The following XRCC4 variants were observed in gnomAD, a reference collection of about 807,000 sequenced individuals.
The protein encoded by XRCC4 is X-ray repair cross complementing 4.
XRCC4 carries 28 observed loss-of-function variants against 39.1 expected under a neutral mutation model. That is an observed-to-expected ratio of 0.72 (90% CI 0.53 to 0.98). The LOEUF (loss-of-function observed/expected upper bound fraction) is 0.98, where lower values mean the gene tolerates loss of function less well. Among genes scored for constraint, XRCC4 ranks in the 50% least tolerant of loss-of-function variants. The pLI, the probability that XRCC4 is intolerant of heterozygous loss-of-function variation, is 0.00. For synonymous variants in XRCC4, 123 were observed against 126.4 expected (o/e 0.97, Z 0.18); for missense variants, 350 against 376.4 (o/e 0.93, Z 0.58).
In XRCC4 at chr5:83,203,616, G is replaced by A. The variant is rs2112728512; in HGVS notation, c.547G>A (p.Val183Met). 6.2e-7 allele frequency: 1 copy of A among 1,612,070 alleles called. No homozygotes were observed. The highest frequency in any genetic ancestry group is 8.5e-7 in the Non-Finnish European group (1 of 1,179,228). The change falls in exon 5 of 8, where the codon GTG becomes ATG. Residue 183 changes from valine (V) to methionine (M), a missense_variant. By Grantham distance (21) the Val-to-Met change is conservative. Transcript: ENST00000396027. ...TGATCTTTATAAGCGGTTTATTCTGGTGTTGAATGAGAAGAAAACAAAAAT... is the reference window on the plus strand; with the variant it reads ...TGATCTTTATAAGCGGTTTATTCTGATGTTGAATGAGAAGAAAACAAAAAT... Reference protein sequence around the residue: ...ETDLYKRFILVLNEKKTKIRS... With the variant: ...ETDLYKRFILMLNEKKTKIRS...
At chr5:83,345,623 A>G (rs1228202949) in intron 7 of XRCC4, among the ~76,000 whole-genome samples, 1 of 152,166 alleles carries the variant, frequency 6.6e-6, no homozygotes, top group Non-Finnish European at 1.5e-5. Flanking sequence ...TTTCAGAAAT[A>G]TTACTCTCAG....
intron 6 of XRCC4, among the ~76,000 whole-genome samples, chr5:83,245,946 G>C (rs1003182483): frequency 2.0e-5 from 3 of 151,194 alleles, no homozygotes; most frequent in Admixed American, 6.6e-5. Context: ...ACTCATTCTT[G>C]AAAGTAACTG....
intron 7 of XRCC4, chr5:83,310,734 G>T (rs1239207199): frequency 2.2e-6 from 1 of 454,710 alleles, no homozygotes; most frequent in Non-Finnish European, 4.4e-6. Flanking sequence ...AGATGCAGGG[G>T]TTATTCTGGA....
intron 7 of XRCC4, among the ~76,000 whole-genome samples, chr5:83,341,206 A>C (rs572485559): frequency 2.6e-3 from 403 of 152,184 alleles, no homozygotes; most frequent in Middle Eastern, 6.8e-3. Context: ...TAAAAAAAAA[A>C]AACAACAACA....
At chr5:83,286,426 A>T (rs1166285442) in intron 7 of XRCC4, among the ~76,000 whole-genome samples, 3 of 152,154 alleles carry the variant, frequency 2.0e-5, no homozygotes, top group Non-Finnish European at 4.4e-5. Flanking sequence ...GGCAATAATA[A>T]GAGCAGCTAA....
At chr5:83,348,481 A>C (rs1269000226) in intron 7 of XRCC4, among the ~76,000 whole-genome samples, 2 of 152,244 alleles carry the variant, frequency 1.3e-5, no homozygotes, top group East Asian at 3.9e-4. Context: ...CCCAAGCTGC[A>C]TGTTGGCCCC....
intron 7 of XRCC4, among the ~76,000 whole-genome samples, chr5:83,274,313 GAAATTCCAGAATAATTAC>G (rs1406335289): frequency 2.6e-5 from 4 of 152,154 alleles, no homozygotes; most frequent in African/African-American, 9.7e-5. Flanking sequence ...TTTATCATCT[GAAATTCCAGAATAATTAC>G]AAATTATCAA....
intron 6 of XRCC4, among the ~76,000 whole-genome samples, chr5:83,232,192 G>A (rs1752519655): frequency 6.6e-6 from 1 of 151,812 alleles, no homozygotes; most frequent in Admixed American, 6.6e-5. Context: ...TTTTACATTA[G>A]CCTCTTCACC....
chr5:83,306,500 A>G (rs1377808773), intron 7 of XRCC4, among the ~76,000 whole-genome samples: 1 of 22,058 alleles, frequency 4.5e-5, no homozygotes, highest in African/African-American at 5.7e-4. Flanking sequence ...TCAGAATTGT[A>G]TACTTTTCCC....
intron 7 of XRCC4, among the ~76,000 whole-genome samples, chr5:83,309,266 CAAAAAAAAAA>C (rs59326460): frequency 0.013 from 220 of 17,240 alleles, no homozygotes; most frequent in African/African-American, 0.027. Flanking sequence ...GACTCCGTCT[CAAAAAAAAAA>C]AAAAAAAAAA....
chr5:83,235,534 T>C (rs1752657339), intron 6 of XRCC4, among the ~76,000 whole-genome samples: 2 of 151,966 alleles, frequency 1.3e-5, no homozygotes, highest in Non-Finnish European at 2.9e-5. Flanking sequence ...AAAAAATATC[T>C]CAACAAACTA....
intron 3 of XRCC4, among the ~76,000 whole-genome samples, chr5:83,114,928 G>A (rs1227643912): frequency 6.6e-6 from 1 of 152,178 alleles, no homozygotes; most frequent in Non-Finnish European, 1.5e-5. Context: ...GGCTGGGGAG[G>A]CCTCATAATC....
At chr5:83,321,849 A>T (rs551195015) in intron 7 of XRCC4, among the ~76,000 whole-genome samples, 3 of 151,868 alleles carry the variant, frequency 2.0e-5, no homozygotes, top group African/African-American at 7.3e-5. Flanking sequence ...GTTCCTTATT[A>T]TCCATGATTA....
chr5:83,248,020 C>T (rs921746319), intron 6 of XRCC4, among the ~76,000 whole-genome samples: 1 of 152,072 alleles, frequency 6.6e-6, no homozygotes, highest in African/African-American at 2.4e-5. Context: ...TTTGGAATAG[C>T]GAAGCCCTCC....
intron 7 of XRCC4, among the ~76,000 whole-genome samples, chr5:83,314,013 A>T (rs1294841436): frequency 6.6e-6 from 1 of 152,080 alleles, no homozygotes; most frequent in Non-Finnish European, 1.5e-5. Flanking sequence ...CACAATCTTT[A>T]CATCTTATTC....
chr5:83,273,963 T>C (rs1754235087), intron 7 of XRCC4, among the ~76,000 whole-genome samples: 3 of 152,140 alleles, frequency 2.0e-5, no homozygotes, highest in Middle Eastern at 3.2e-3. Context: ...ACTACTTTTC[T>C]AGTTGTAGAT....
chr5:83,239,743 G>T (rs779755362), intron 6 of XRCC4, among the ~76,000 whole-genome samples: 1 of 152,008 alleles, frequency 6.6e-6, no homozygotes, highest in Non-Finnish European at 1.5e-5. Flanking sequence ...CCAGGGGAAT[G>T]GTGTGAACCC....
At chr5:83,261,861 A>G (rs1303424295) in intron 7 of XRCC4, among the ~76,000 whole-genome samples, 1 of 152,120 alleles carries the variant, frequency 6.6e-6, no homozygotes, top group Admixed American at 6.6e-5. Flanking sequence ...TGAAATATCC[A>G]TGAGAAAAGT....
chr5:83,253,211 C>T lies in XRCC4; in HGVS notation c.746-5319C>T, dbSNP rs145472526. ...GCCCTGCAGCCCTTGGTATAGCTTA[C>T]ATATATGGTAGAAGATTTGTGGGAG... On this transcript the variant is annotated intron_variant, in intron 6 of 7. Transcript: ENST00000396027. Among the ~76,000 whole-genome samples, 20 of 152,182 alleles carry T rather than the reference C, an allele frequency of 1.3e-4. No homozygotes were observed. In the East Asian group the frequency reaches 3.9e-3, roughly 29 times the overall value.
Sources: allele counts gnomAD v4.1 joint callset (sites outside exome capture counted in the v4.1 genomes callset), GRCh38; gene constraint gnomAD v4.1.1; transcripts MANE v1.5; gene names NCBI Gene and HGNC (gene_info 2026-07-23, HGNC 2026-07-21).